KCNIP1: variants seen among roughly 807,000 people sequenced by gnomAD.
KCNIP1 encodes A-type potassium channel modulatory protein KCNIP1.
Under a neutral mutation model 33.0 loss-of-function variants are expected in KCNIP1, and 18 were observed. The observed-to-expected ratio is 0.55, with a 90% CI of 0.38 to 0.81. KCNIP1 has a LOEUF of 0.81. Among genes scored for constraint, KCNIP1 ranks in the 30% least tolerant of loss-of-function variants. The pLI is 0.00. For missense variants in KCNIP1, 238 were observed against 271.6 expected (o/e 0.88, Z 0.87); for synonymous variants, 93 against 98.3 (o/e 0.95, Z 0.32).
intron 1 of KCNIP1, among the ~76,000 whole-genome samples, chr5:170,382,335 T>A (rs1310342689): frequency 1.3e-5 from 2 of 152,216 alleles, no homozygotes; most frequent in African/African-American, 4.8e-5. Context: ...CCTAGTTTTG[T>A]TTTTTAAGAC....
chr5:170,538,177 C>G (rs575893574), intron 1 of KCNIP1, among the ~76,000 whole-genome samples: 2 of 152,306 alleles, frequency 1.3e-5, no homozygotes, highest in African/African-American at 4.8e-5. Context: ...CATGCCCTCT[C>G]CAGTATAGGC....
chr5:170,726,745 C>CAAAAAAAAAAAAAAAAAA (rs57173351), intron 5 of KCNIP1, among the ~76,000 whole-genome samples: 2 of 56,692 alleles, frequency 3.5e-5, no homozygotes, highest in Non-Finnish European at 6.9e-5. Context: ...ACTAAAAATA[C>CAAAAAAAAAAAAAAAAAA]AAAAAAAAAA....
intron 1 of KCNIP1, among the ~76,000 whole-genome samples, chr5:170,379,161 T>C (rs1222697774): frequency 2.6e-5 from 4 of 152,150 alleles, no homozygotes; most frequent in African/African-American, 9.7e-5. Flanking sequence ...TTGTGTCTTG[T>C]GTGTGGATGG....
chr5:170,538,087 C>A (rs1221825287), intron 1 of KCNIP1, among the ~76,000 whole-genome samples: 5 of 152,166 alleles, frequency 3.3e-5, no homozygotes, highest in Non-Finnish European at 5.9e-5. Flanking sequence ...ACAGCCTTTC[C>A]CATTTTAAAG....
At chr5:170,426,412 C>T (rs544448540) in intron 1 of KCNIP1, among the ~76,000 whole-genome samples, 15 of 152,334 alleles carry the variant, frequency 9.8e-5, no homozygotes, top group African/African-American at 3.1e-4. Context: ...CTGACCTTGT[C>T]TTGCTTTGCC....
chr5:170,528,340 A>G (rs956642610), intron 1 of KCNIP1, among the ~76,000 whole-genome samples: 13 of 152,150 alleles, frequency 8.5e-5, no homozygotes, highest in Admixed American at 7.9e-4. Flanking sequence ...GACCCTGGTA[A>G]TCTTCCTCCT....
chr5:170,596,292 T>C (rs1457461715), intron 1 of KCNIP1, among the ~76,000 whole-genome samples: 1 of 152,176 alleles, frequency 6.6e-6, no homozygotes, highest in African/African-American at 2.4e-5. Flanking sequence ...CCTGTGCCCA[T>C]CACACCCATA....
At chr5:170,714,099 G>A (rs1042469073) in intron 1 of KCNIP1, among the ~76,000 whole-genome samples, 6 of 152,064 alleles carry the variant, frequency 3.9e-5, no homozygotes, top group Non-Finnish European at 8.8e-5. Flanking sequence ...CTATTGGCCA[G>A]TCCAGGGAGG....
intron 1 of KCNIP1, among the ~76,000 whole-genome samples, chr5:170,711,376 A>G (rs1207788693): frequency 2.0e-5 from 3 of 152,256 alleles, no homozygotes; most frequent in Non-Finnish European, 1.5e-5. Flanking sequence ...TACCTAAGAC[A>G]TTCCTGGCAC....
At chr5:170,445,137 G>C (rs952445724) in intron 1 of KCNIP1, among the ~76,000 whole-genome samples, 5 of 152,220 alleles carry the variant, frequency 3.3e-5, no homozygotes, top group African/African-American at 9.7e-5. Flanking sequence ...TCACTGGCCA[G>C]CTCTGTCACT....
chr5:170,467,998 C>T (rs906515238), intron 1 of KCNIP1, among the ~76,000 whole-genome samples: 9 of 149,306 alleles, frequency 6.0e-5, no homozygotes, highest in African/African-American at 2.2e-4. Context: ...GATATTTGTG[C>T]TTTGAAATAA....
intron 1 of KCNIP1, among the ~76,000 whole-genome samples, chr5:170,569,385 G>C (rs1039128042): frequency 1.3e-5 from 2 of 152,222 alleles, no homozygotes; most frequent in African/African-American, 4.8e-5. Flanking sequence ...CAAACATTTG[G>C]GGACCCTCTC....
intron 1 of KCNIP1, among the ~76,000 whole-genome samples, chr5:170,691,562 T>C (rs552839654): frequency 6.6e-6 from 1 of 152,296 alleles, no homozygotes; most frequent in East Asian, 1.9e-4. Context: ...TTGAAATAAA[T>C]TGTAGGAGAA....
chr5:170,593,324 C>A (rs1025819332), intron 1 of KCNIP1, among the ~76,000 whole-genome samples: 1 of 152,154 alleles, frequency 6.6e-6, no homozygotes, highest in Non-Finnish European at 1.5e-5. Context: ...GAAGCAGAAT[C>A]CCTCTCAGGG....
At chr5:170,583,830 A>C (rs977488307) in intron 1 of KCNIP1, among the ~76,000 whole-genome samples, 1 of 152,166 alleles carries the variant, frequency 6.6e-6, no homozygotes, top group Non-Finnish European at 1.5e-5. Flanking sequence ...AAAGATAATC[A>C]TCAGTTTTTA....
chr5:170,673,529 G>T (rs1309601813), intron 1 of KCNIP1, among the ~76,000 whole-genome samples: 1 of 152,266 alleles, frequency 6.6e-6, no homozygotes, highest in Non-Finnish European at 1.5e-5. Context: ...CACAGGGCTA[G>T]TGAATAACCA....
At chr5:170,395,914 C>T (rs993743133) in intron 1 of KCNIP1, among the ~76,000 whole-genome samples, 10 of 152,184 alleles carry the variant, frequency 6.6e-5, no homozygotes, top group African/African-American at 2.2e-4. Context: ...AAGGTAGACT[C>T]CTGTGTGAAT....
chr5:170,640,253 C>T (rs548560545), intron 1 of KCNIP1, among the ~76,000 whole-genome samples: 12 of 152,312 alleles, frequency 7.9e-5, no homozygotes, highest in Non-Finnish European at 2.9e-5. Context: ...ACAGTGGTCC[C>T]GTGGCTAGGA....
chr5:170,502,343 A>G (rs946600361), upstream of KCNIP1, among the ~76,000 whole-genome samples: 8 of 152,304 alleles, frequency 5.3e-5, no homozygotes, highest in East Asian at 1.5e-3. Flanking sequence ...GAAGAAAACT[A>G]TTCAAGGACC....
Sources: gnomAD v4.1 joint callset for allele counts (sites outside exome capture counted in the v4.1 genomes callset) on GRCh38, gnomAD v4.1.1 for gene constraint, MANE v1.5 for transcripts, NCBI Gene and HGNC (gene_info 2026-07-23, HGNC 2026-07-21) for gene names.